Variants in GNA13 observed in about 807,000 individuals in gnomAD.
GNA13 encodes guanine nucleotide-binding protein subunit alpha-13.
A neutral mutation model predicts 33.5 loss-of-function variants in GNA13; 4 were observed. That is an observed-to-expected ratio of 0.12 (90% CI 0.06 to 0.27). The LOEUF (loss-of-function observed/expected upper bound fraction) is 0.27. GNA13 is among the 10% of genes least tolerant of loss of function. The pLI, the probability that GNA13 is intolerant of heterozygous loss-of-function variation, is 1.00. For missense variants in GNA13, 319 were observed against 487.2 expected (o/e 0.65, Z 3.25); for synonymous variants, 176 against 183.8 (o/e 0.96, Z 0.34).
chr17:65,033,571 G>A (rs1362473451), intron 2 of GNA13, among the ~76,000 whole-genome samples: 5 of 152,016 alleles, frequency 3.3e-5, no homozygotes, highest in Non-Finnish European at 5.9e-5. Flanking sequence ...TTTAGTTCAG[G>A]AGGAGTAAAA....
At chr17:65,031,080 C>T (rs1906987155) in intron 2 of GNA13, among the ~76,000 whole-genome samples, 1 of 152,022 alleles carries the variant, frequency 6.6e-6, no homozygotes, top group Admixed American at 6.6e-5. Flanking sequence ...TATAGAGAAC[C>T]AACCAAGTGC....
intron 2 of GNA13, among the ~76,000 whole-genome samples, chr17:65,039,272 C>T (rs1438741382): frequency 2.6e-5 from 4 of 152,214 alleles, no homozygotes; most frequent in African/African-American, 9.7e-5. Context: ...AAGCTGCTTG[C>T]TCTGCAATAG....
chr17:65,038,974 ATAAAG>A (rs1297398823), intron 2 of GNA13, among the ~76,000 whole-genome samples: 2 of 152,214 alleles, frequency 1.3e-5, no homozygotes, highest in Non-Finnish European at 2.9e-5. Context: ...TTACACCACC[ATAAAG>A]TAAAAAAATC....
chr17:65,027,676 AAGTG>A (rs1257257192), intron 2 of GNA13, among the ~76,000 whole-genome samples: 3 of 152,212 alleles, frequency 2.0e-5, no homozygotes, highest in African/African-American at 7.2e-5. Context: ...TGTTTGAAAA[AAGTG>A]AGTATCACAG....
At chr17:65,054,303 A>C (rs975382534) in intron 1 of GNA13, among the ~76,000 whole-genome samples, 1 of 152,202 alleles carries the variant, frequency 6.6e-6, no homozygotes, top group Non-Finnish European at 1.5e-5. Context: ...ATTTCCCTAA[A>C]AGGGAGGAAG....
chr17:65,026,759 G>T (rs1906798412), intron 2 of GNA13, among the ~76,000 whole-genome samples: 2 of 151,996 alleles, frequency 1.3e-5, no homozygotes, highest in African/African-American at 4.8e-5. Flanking sequence ...CCTTTTCCAA[G>T]CACATTCAAT....
chr17:65,009,391 C>G lies in GNA13; in HGVS notation c.*4866G>C, dbSNP rs1906095222. Among the ~76,000 whole-genome samples, 2 of 152,120 alleles carry G rather than the reference C, an allele frequency of 1.3e-5. No homozygotes were observed. The highest frequency in any genetic ancestry group is 2.4e-5 in the African/African-American group (1 of 41,426). On this transcript the variant is annotated 3_prime_UTR_variant, in exon 4 of 4. Coordinates refer to ENST00000439174, the MANE Select transcript of GNA13 (RefSeq NM_006572.6). ...GCAAAATATGTACAAAAGTAAAAAG[C>G]TGTAATGAACTAGCAACTCATTTTA... is the stretch of plus-strand genomic sequence containing the variant.
intron 2 of GNA13, among the ~76,000 whole-genome samples, chr17:65,029,216 AACTG>A (rs1161009917): frequency 2.0e-5 from 3 of 152,210 alleles, no homozygotes; most frequent in African/African-American, 4.8e-5. Context: ...AGCTAGTCCC[AACTG>A]ACTATCTCCA....
At chr17:65,027,378 G>C (rs1254929369) in intron 2 of GNA13, among the ~76,000 whole-genome samples, 1 of 149,088 alleles carries the variant, frequency 6.7e-6, no homozygotes, top group Non-Finnish European at 1.5e-5. Context: ...AAATTCCTAG[G>C]CTCAAGCAGT....
intron 2 of GNA13, among the ~76,000 whole-genome samples, chr17:65,024,627 C>T (rs943737457): frequency 2.6e-5 from 4 of 152,186 alleles, no homozygotes; most frequent in African/African-American, 9.7e-5. Context: ...ATCAGAATTA[C>T]CTAATGTGCT....
intron 2 of GNA13, among the ~76,000 whole-genome samples, chr17:65,030,861 G>T (rs1906975768): frequency 6.6e-6 from 1 of 152,032 alleles, no homozygotes; most frequent in Non-Finnish European, 1.5e-5. Flanking sequence ...TTTTAAAAAA[G>T]TACCCAATTT....
chr17:65,044,621 C>G (rs1185944200), intron 2 of GNA13, among the ~76,000 whole-genome samples: 1 of 143,880 alleles, frequency 7.0e-6, no homozygotes, highest in African/African-American at 2.6e-5. Flanking sequence ...GGCAACCCAG[C>G]AAAAACCCCA....
At chr17:65,037,641 C>T (rs988973347) in intron 2 of GNA13, among the ~76,000 whole-genome samples, 7 of 151,886 alleles carry the variant, frequency 4.6e-5, no homozygotes, top group Non-Finnish European at 8.8e-5. Context: ...TCTCAAGACT[C>T]TACTGTCAGA....
chr17:65,054,605 C>T (rs1379033510), intron 1 of GNA13, among the ~76,000 whole-genome samples: 1 of 152,118 alleles, frequency 6.6e-6, no homozygotes, highest in East Asian at 1.9e-4. Flanking sequence ...GCCACCACGC[C>T]CAGCCTGAGA....
chr17:65,039,977 C>T (rs778802011), intron 2 of GNA13, among the ~76,000 whole-genome samples: 1 of 152,070 alleles, frequency 6.6e-6, no homozygotes. Context: ...TTTTTGCATT[C>T]GCTAGTTACT....
intron 2 of GNA13, among the ~76,000 whole-genome samples, chr17:65,051,244 T>C (rs147268698): frequency 5.3e-5 from 8 of 152,310 alleles, no homozygotes; most frequent in African/African-American, 1.7e-4. Flanking sequence ...GAATAGAGCC[T>C]GACAAAATTG....
At position 65,031,917 on chromosome 17, in the gene GNA13, A is replaced by T. The variant is rs62062472; in HGVS notation, c.511-13614T>A. On this transcript the variant is annotated intron_variant, in intron 2 of 3. Coordinates refer to ENST00000439174, the MANE Select transcript of GNA13 (RefSeq NM_006572.6). ...GAGAAAGAGAGAGAGAGAGAGAGAG[A>T]GAGAGTGTGTGTGTGTGTGTGTGTG... is the stretch of plus-strand genomic sequence containing the variant. Among the ~76,000 whole-genome samples the T allele has an allele frequency of 4.4e-3, 567 of 128,096 alleles. 4 individuals carry two copies. The highest frequency in any genetic ancestry group is 4.9e-3 in the Non-Finnish European group (289 of 59,444). The allele number at this position is 128,096 out of a possible 152,430, so 84.0% of individuals were successfully genotyped here. A position where few individuals can be genotyped will look rare whatever the true frequency, so the allele number is the denominator to read the frequency against.
intron 2 of GNA13, among the ~76,000 whole-genome samples, chr17:65,050,957 C>G (rs1421744272): frequency 2.6e-5 from 4 of 152,128 alleles, no homozygotes; most frequent in African/African-American, 7.2e-5. Flanking sequence ...GGTCCTCATC[C>G]TGAGTGGTTT....
At chr17:65,028,860 C>T (rs1906899559) in intron 2 of GNA13, among the ~76,000 whole-genome samples, 1 of 152,132 alleles carries the variant, frequency 6.6e-6, no homozygotes, top group African/African-American at 2.4e-5. Flanking sequence ...ACAGCCTCTA[C>T]ATGCAGTCTC....
Sources: gnomAD v4.1 joint callset for allele counts (sites outside exome capture counted in the v4.1 genomes callset) on GRCh38, gnomAD v4.1.1 for gene constraint, MANE v1.5 for transcripts, NCBI Gene and HGNC (gene_info 2026-07-23, HGNC 2026-07-21) for gene names.